Variants in CUBN observed in about 807,000 individuals in gnomAD.
CUBN encodes cubilin.
Under a neutral mutation model 405.3 loss-of-function variants are expected in CUBN, and 282 were observed. The observed-to-expected ratio is 0.70, with a 90% CI of 0.63 to 0.77. The LOEUF (loss-of-function observed/expected upper bound fraction) is 0.77, where lower values mean the gene tolerates loss of function less well. Ranked by LOEUF, CUBN falls within the 30% of genes least tolerant of loss-of-function variation. The pLI is 0.00. For synonymous variants in CUBN, 1,684 were observed against 1,617.0 expected (o/e 1.04, Z -0.99); for missense variants, 4,514 against 4,475.2 (o/e 1.01, Z -0.25).
chr10:17,040,223 T>C (rs528500232), intron 27 of CUBN, among the ~76,000 whole-genome samples: 5 of 152,230 alleles, frequency 3.3e-5, no homozygotes, highest in Admixed American at 3.3e-4. Flanking sequence ...TGTCCTGTTA[T>C]CAGAGCAAGT....
At chr10:16,890,593 G>A (rs917196896) in intron 54 of CUBN, 66 bp from the exon 55 acceptor site, 194 of 1,549,480 alleles carry the variant, frequency 1.3e-4, no homozygotes, top group Non-Finnish European at 1.7e-4. Context: ...ATGCACTTAG[G>A]TTTCAAAATA....
At position 17,099,996 on chromosome 10, in the gene CUBN, C is replaced by T. The variant is rs780944597; in HGVS notation, c.1765+9G>A. 100 of 1,593,336 alleles carry T rather than the reference C, an allele frequency of 6.3e-5. No individual in the cohort carries two copies. In the Middle Eastern group the frequency reaches 1.0e-3, roughly 16 times the overall value. The stretch of plus-strand genomic sequence containing the variant: ...TTTTGCTTGCTTTTTTCTCCAGGTT[C>T]ACACATACCTGGTTGCTGTGTTTCC... On this transcript the variant is annotated intron_variant, in intron 14 of 66. Transcript: ENST00000377833.
intron 28 of CUBN, among the ~76,000 whole-genome samples, 189 bp from the exon 29 acceptor site, chr10:16,990,704 T>C (rs2131717039): frequency 6.6e-6 from 1 of 152,356 alleles, no homozygotes; most frequent in East Asian, 1.9e-4. Flanking sequence ...CTACAACTTA[T>C]TAAGTTTATC....
chr10:17,119,030 C>G (rs1836970893), intron 6 of CUBN, among the ~76,000 whole-genome samples: 1 of 152,160 alleles, frequency 6.6e-6, no homozygotes, highest in South Asian at 2.1e-4. Context: ...AGAGGTTAAA[C>G]ACACTTGGAT....
rs537205397 is a variant in CUBN at position 16,880,872 on chromosome 10, A to G, written c.8906-3775T>C. Among the ~76,000 whole-genome samples, 4 of 152,330 alleles carry G rather than the reference A, an allele frequency of 2.6e-5. No individual in the cohort carries two copies. In the South Asian group the frequency reaches 8.3e-4, roughly 32 times the overall value. On this transcript the variant is annotated intron_variant, in intron 56 of 66. Coordinates refer to ENST00000377833, the MANE Select transcript of CUBN (RefSeq NM_001081.4). Reference sequence around the variant, plus strand: ...TATTTCTAATTGGGCATAAATCTATAAGTTGAAAGAGTGAAAGACTGAACT... The same window carrying G: ...TATTTCTAATTGGGCATAAATCTATGAGTTGAAAGAGTGAAAGACTGAACT...
At chr10:16,871,903 C>T (rs1003575641) in intron 58 of CUBN, among the ~76,000 whole-genome samples, 1 of 152,102 alleles carries the variant, frequency 6.6e-6, no homozygotes, top group African/African-American at 2.4e-5. Flanking sequence ...AATGTAGGCT[C>T]TTAGTGCGCA....
At chr10:16,930,016 A>T (rs1333842417) in intron 40 of CUBN, among the ~76,000 whole-genome samples, 5 of 152,142 alleles carry the variant, frequency 3.3e-5, no homozygotes, top group African/African-American at 1.2e-4. Flanking sequence ...TTGCCCATCC[A>T]CCCCTTCAGT....
chr10:16,851,289 T>A lies in CUBN; in HGVS notation c.9609A>T (p.Thr3203=). ...VNKVIHLTFN[T]FALEAASTRQ... is the part of the protein sequence containing the mutation. ...TAGTACTTGCTGCCTCCAGAGCAAA[T>A]GTATTGAAGGTGAGGTGAATTACTT... Residue 3203 remains threonine (T), a synonymous_variant, in exon 60 of 67, where the codon ACA becomes ACT. Coordinates refer to ENST00000377833, the MANE Select transcript of CUBN (RefSeq NM_001081.4). 1 of 1,614,124 alleles carries A rather than the reference T, an allele frequency of 6.2e-7. No individual in the cohort carries two copies. The highest frequency in any genetic ancestry group is 8.5e-7 in the Non-Finnish European group (1 of 1,180,008).
intron 59 of CUBN, among the ~76,000 whole-genome samples, chr10:16,853,647 T>C (rs1017138191): frequency 1.3e-5 from 2 of 152,222 alleles, no homozygotes; most frequent in Admixed American, 6.5e-5. Context: ...GCCCAGTCCC[T>C]GATATATTCA....
At chr10:17,048,157 G>C (rs756796141) in intron 22 of CUBN, among the ~76,000 whole-genome samples, 2 of 152,194 alleles carry the variant, frequency 1.3e-5, no homozygotes, top group Non-Finnish European at 2.9e-5. Flanking sequence ...CTCACATCTC[G>C]CAAATGAAGA....
rs1273368409 is a variant in CUBN at position 17,115,419 on chromosome 10, A to AGCT, written c.720+49_720+51dup. On this transcript the variant is annotated intron_variant, in intron 7 of 66. Transcript: ENST00000377833. ...ATGCAGTGGGCATAGGAGGAGGAGGAGCTACTAACCATGGCTCTCTGCAAG... is the reference window on the plus strand; with the variant it reads ...ATGCAGTGGGCATAGGAGGAGGAGGAGCTGCTACTAACCATGGCTCTCTGCAAG... 5 of 1,610,620 alleles carry AGCT rather than the reference A, an allele frequency of 3.1e-6. No individual in the cohort carries two copies. In the African/African-American group the frequency reaches 6.7e-5, roughly 22 times the overall value.
intron 38 of CUBN, 124 bp downstream of exon 38, chr10:16,938,839 A>AT: frequency 1.8e-5 from 15 of 841,984 alleles, no homozygotes; most frequent in Non-Finnish European, 2.8e-5. Context: ...TCTGCTCTAA[A>AT]CATGATTTAG....
intron 14 of CUBN, among the ~76,000 whole-genome samples, chr10:17,093,272 G>T (rs944440234): frequency 2.0e-5 from 3 of 152,168 alleles, no homozygotes; most frequent in African/African-American, 7.2e-5. Context: ...AAGACAGCAG[G>T]TCTAACTAAC....
intron 48 of CUBN, among the ~76,000 whole-genome samples, chr10:16,908,108 A>C (rs1472999064): frequency 6.6e-6 from 1 of 152,190 alleles, no homozygotes; most frequent in African/African-American, 2.4e-5. Flanking sequence ...TTTCATGTAC[A>C]TAATAAAGCA....
At chr10:16,964,665 C>T (rs7071422) in intron 31 of CUBN, among the ~76,000 whole-genome samples, 90,825 of 151,996 alleles carry the variant, frequency 0.6, 27,456 homozygotes, top group Non-Finnish European at 0.65. Flanking sequence ...ATCACTCGGA[C>T]GCATAAGTGA....
intron 22 of CUBN, 33 bp downstream of exon 22, chr10:17,065,475 A>G: frequency 6.2e-7 from 1 of 1,611,820 alleles, no homozygotes; most frequent in Non-Finnish European, 8.5e-7. Context: ...CAATGGAGTC[A>G]ATAAAACCGA....
At chr10:16,972,734 A>AG (rs1315955749) in intron 31 of CUBN, among the ~76,000 whole-genome samples, 1 of 151,874 alleles carries the variant, frequency 6.6e-6, no homozygotes. Flanking sequence ...CCATTCATTC[A>AG]TTCTTCAAGC....
chr10:16,836,494 C>A, intron 62 of CUBN, 112 bp from the exon 63 acceptor site: 2 of 1,075,512 alleles, frequency 1.9e-6, no homozygotes, highest in South Asian at 2.6e-5. Flanking sequence ...GCCATGGAAA[C>A]CAGCTCTGCT....
At chr10:16,948,394 C>A in intron 35 of CUBN, 84 bp downstream of exon 35, 1 of 1,589,992 alleles carries the variant, frequency 6.3e-7, no homozygotes, top group Non-Finnish European at 8.6e-7. Context: ...CTCCCAACTA[C>A]GAAGGTCAGA....
Sources: allele counts gnomAD v4.1 joint callset (sites outside exome capture counted in the v4.1 genomes callset), GRCh38; gene constraint gnomAD v4.1.1; transcripts MANE v1.5; gene names NCBI Gene and HGNC (gene_info 2026-07-23, HGNC 2026-07-21).